The following PDE3A variants were observed in gnomAD, a reference collection of about 807,000 sequenced individuals.
PDE3A encodes the protein phosphodiesterase 3A, also known as cGMP-inhibited 3',5'-cyclic phosphodiesterase 3A.
PDE3A carries 43 observed loss-of-function variants against 98.3 expected under a neutral mutation model. That is an observed-to-expected ratio of 0.44 (90% CI 0.34 to 0.56). PDE3A has a LOEUF of 0.56. Ranked by LOEUF, PDE3A falls within the 20% of genes least tolerant of loss-of-function variation. The pLI is 0.01. For synonymous variants in PDE3A, 663 were observed against 567.9 expected (o/e 1.17, Z -2.38); for missense variants, 1,427 against 1,440.7 (o/e 0.99, Z 0.15).
intron 1 of PDE3A, among the ~76,000 whole-genome samples, chr12:20,469,394 C>A (rs1255015045): frequency 6.6e-6 from 1 of 152,126 alleles, no homozygotes; most frequent in Non-Finnish European, 1.5e-5. Context: ...TCCCTATGCT[C>A]GCAGTCGTAG....
At chr12:20,599,962 C>G (rs1943550672) in intron 2 of PDE3A, among the ~76,000 whole-genome samples, 1 of 152,180 alleles carries the variant, frequency 6.6e-6, no homozygotes, top group Non-Finnish European at 1.5e-5. Context: ...TTACTAATCT[C>G]TCAAACACTG....
At chr12:20,473,537 T>C (rs961341504) in intron 1 of PDE3A, among the ~76,000 whole-genome samples, 1 of 152,196 alleles carries the variant, frequency 6.6e-6, no homozygotes, top group African/African-American at 2.4e-5. Flanking sequence ...AGTGTTCTAC[T>C]ATTCAGCTTA....
At chr12:20,615,800 A>C (rs1485286250) in intron 3 of PDE3A, among the ~76,000 whole-genome samples, 6 of 151,940 alleles carry the variant, frequency 3.9e-5, no homozygotes, top group Non-Finnish European at 2.9e-5. Flanking sequence ...ATCTCAGCTC[A>C]CTGCAACCTC....
At position 20,494,045 on chromosome 12, in the gene PDE3A, A is replaced by G. The variant is rs74066462; in HGVS notation, c.961-62615A>G. On this transcript the variant is annotated intron_variant, in intron 1 of 15. Transcript: ENST00000359062. The stretch of plus-strand genomic sequence containing the variant: ...TATTTTCAGTATTTTACCATTATGC[A>G]CAATGCTGTAGTAACATTTGAACTT... Among the ~76,000 whole-genome samples, 879 of 152,358 alleles carry G rather than the reference A, an allele frequency of 5.8e-3. 9 individuals are homozygous for G. Among genetic ancestry groups the G allele is most frequent in the African/African-American group, 0.02 (838 of 41,582 alleles).
intron 4 of PDE3A, among the ~76,000 whole-genome samples, chr12:20,616,694 C>T (rs1944015786): frequency 6.6e-6 from 1 of 152,086 alleles, no homozygotes; most frequent in African/African-American, 2.4e-5. Context: ...CATTGAGATT[C>T]ATACCGAGAC....
At chr12:20,598,429 C>T (rs1943516282) in intron 2 of PDE3A, among the ~76,000 whole-genome samples, 1 of 152,046 alleles carries the variant, frequency 6.6e-6, no homozygotes, top group Non-Finnish European at 1.5e-5. Context: ...AGTAATCTGC[C>T]TGGTCTCCCA....
intron 15 of PDE3A, among the ~76,000 whole-genome samples, chr12:20,654,660 C>CT (rs71442265): frequency 0.047 from 4,074 of 85,916 alleles, 253 homozygotes; most frequent in Non-Finnish European, 0.058. Context: ...CTACACCCGG[C>CT]TTTTTTTTTT....
At chr12:20,589,876 A>AT (rs927040381) in intron 2 of PDE3A, among the ~76,000 whole-genome samples, 1 of 151,708 alleles carries the variant, frequency 6.6e-6, no homozygotes, top group African/African-American at 2.4e-5. Context: ...CTTAAAAAAA[A>AT]AAAAAAAAAA....
intron 1 of PDE3A, among the ~76,000 whole-genome samples, chr12:20,382,061 A>T (rs1195548118): frequency 6.6e-6 from 1 of 151,846 alleles, no homozygotes; most frequent in Non-Finnish European, 1.5e-5. Context: ...CACTCTCTAA[A>T]TCGAGCTGTT....
intron 2 of PDE3A, among the ~76,000 whole-genome samples, chr12:20,578,232 C>T (rs894240871): frequency 3.9e-5 from 6 of 151,900 alleles, no homozygotes; most frequent in East Asian, 1.9e-4. Flanking sequence ...ATTCAAGGAC[C>T]GTGTCAGGAT....
intron 2 of PDE3A, chr12:20,572,070 A>G: frequency 8.4e-7 from 1 of 1,197,138 alleles, no homozygotes; most frequent in South Asian, 1.5e-5. Flanking sequence ...TTTTAAAAAA[A>G]TGAGAATCAG....
At chr12:20,546,062 G>A (rs61912090) in intron 1 of PDE3A, among the ~76,000 whole-genome samples, 4 of 151,908 alleles carry the variant, frequency 2.6e-5, no homozygotes, top group African/African-American at 7.3e-5. Flanking sequence ...TTACCCACAC[G>A]AGGCTGATGT....
intron 1 of PDE3A, among the ~76,000 whole-genome samples, chr12:20,373,794 C>T (rs192847734): frequency 2.6e-4 from 39 of 152,226 alleles, no homozygotes; most frequent in African/African-American, 9.1e-4. Flanking sequence ...TTTTTCACCA[C>T]TGATGTGAGA....
In PDE3A at chr12:20,385,669, C is replaced by T. The variant is rs1943742872; in HGVS notation, c.960+15425C>T. Among the ~76,000 whole-genome samples the T allele has an allele frequency of 2.0e-5, 3 of 151,432 alleles. No individual in the cohort carries two copies. In the South Asian group the frequency reaches 6.2e-4, roughly 31 times the overall value. ...ATGGATGAAGCTGGAAACCATCATT[C>T]TCAGCAAACTATCGCAAGGACAAAA... On this transcript the variant is annotated intron_variant, in intron 1 of 15. Coordinates refer to ENST00000359062, the MANE Select transcript of PDE3A (RefSeq NM_000921.5).
At chr12:20,499,916 C>T (rs1330981859) in intron 1 of PDE3A, among the ~76,000 whole-genome samples, 1 of 152,166 alleles carries the variant, frequency 6.6e-6, no homozygotes, top group Non-Finnish European at 1.5e-5. Flanking sequence ...CTGTTTCCTA[C>T]TATTATTCTA....
chr12:20,681,382 C>G lies in PDE3A; in HGVS notation c.*1111C>G, dbSNP rs970486180. The G allele has an allele frequency of 6.6e-6, 1 of 152,210 alleles. No individual in the cohort carries two copies. Among genetic ancestry groups the G allele is most frequent in the African/African-American group, 2.4e-5 (1 of 41,450 alleles). The allele number at this position is 152,210 out of a possible 1,614,324, so 9.4% of individuals were successfully genotyped here. ...GCCAGAGAAGGCTTGGGAAATTGTACTTCAGCGTGATAGCCTGTGTCTTCT... is the reference window on the plus strand; with the variant it reads ...GCCAGAGAAGGCTTGGGAAATTGTAGTTCAGCGTGATAGCCTGTGTCTTCT... On this transcript the variant is annotated 3_prime_UTR_variant, in exon 16 of 16. Transcript: ENST00000359062.
intron 15 of PDE3A, among the ~76,000 whole-genome samples, chr12:20,668,460 T>C (rs1483305197): frequency 6.6e-6 from 1 of 152,052 alleles, no homozygotes; most frequent in African/African-American, 2.4e-5. Flanking sequence ...TCTGACAGCT[T>C]TGAAGAGAGC....
chr12:20,517,085 G>C (rs1252239344), intron 1 of PDE3A, among the ~76,000 whole-genome samples: 1 of 152,226 alleles, frequency 6.6e-6, no homozygotes. Context: ...GTTTGACTCT[G>C]TCGACAGCAG....
intron 1 of PDE3A, among the ~76,000 whole-genome samples, chr12:20,422,323 A>G (rs201868572): frequency 3.9e-4 from 59 of 152,128 alleles, no homozygotes; most frequent in East Asian, 2.3e-3. Flanking sequence ...CAGCCTGGGC[A>G]ACAGAGCGAG....
Sources: gnomAD v4.1 joint callset for allele counts (sites outside exome capture counted in the v4.1 genomes callset) on GRCh38, gnomAD v4.1.1 for gene constraint, MANE v1.5 for transcripts, NCBI Gene and HGNC (gene_info 2026-07-23, HGNC 2026-07-21) for gene names.